UBE2E2: variants seen among roughly 807,000 people sequenced by gnomAD.
UBE2E2 encodes ubiquitin conjugating enzyme E2 E2.
Under a neutral mutation model 24.7 loss-of-function variants are expected in UBE2E2, and 6 were observed. The ratio of observed to expected loss-of-function variants is 0.24; its 90% CI spans 0.13 to 0.48. The LOEUF (loss-of-function observed/expected upper bound fraction) is 0.48. UBE2E2 is among the 20% of genes least tolerant of loss of function. UBE2E2 has a pLI of 0.99. For missense variants in UBE2E2, 169 were observed against 245.0 expected (o/e 0.69, Z 2.07); for synonymous variants, 104 against 83.6 (o/e 1.24, Z -1.33).
chr3:23,382,291 C>G (rs904602262), intron 3 of UBE2E2, among the ~76,000 whole-genome samples: 2 of 146,208 alleles, frequency 1.4e-5, no homozygotes, highest in South Asian at 4.2e-4. Context: ...AAGCGATTCT[C>G]CTGCCTCAGC....
intron 3 of UBE2E2, among the ~76,000 whole-genome samples, chr3:23,464,025 G>A (rs933721125): frequency 1.3e-5 from 2 of 152,076 alleles, no homozygotes; most frequent in Non-Finnish European, 2.9e-5. Flanking sequence ...TGTTGTGGCT[G>A]TTTTCCACTT....
chr3:23,218,408 A>G (rs930447046), intron 3 of UBE2E2, among the ~76,000 whole-genome samples: 3 of 152,120 alleles, frequency 2.0e-5, no homozygotes, highest in African/African-American at 4.8e-5. Flanking sequence ...ACTGTATTAC[A>G]TCAAAGCCGT....
At position 23,339,588 on chromosome 3, in the gene UBE2E2, A is replaced by G. The variant is rs190665060; in HGVS notation, c.227+122276A>G. On this transcript the variant is annotated intron_variant, in intron 3 of 5. Transcript: ENST00000396703. ...ACAAAAACTTAGAGACCCTAGTTAA[A>G]TGTTTTCTTTAATTTAATGAAGGGA... Among the ~76,000 whole-genome samples the G allele has an allele frequency of 2.4e-4, 36 of 152,190 alleles. No homozygotes were observed. The East Asian group carries it at 6.6e-3, about 28-fold the overall frequency.
At chr3:23,534,227 A>G (rs1221023816) in intron 5 of UBE2E2, 22 of 979,372 alleles carry the variant, frequency 2.2e-5, no homozygotes, top group Non-Finnish European at 2.5e-5. Context: ...AAGCCTGTAT[A>G]TGACAGCCTG....
At chr3:23,332,953 C>T (rs372673874) in intron 3 of UBE2E2, among the ~76,000 whole-genome samples, 10 of 152,102 alleles carry the variant, frequency 6.6e-5, no homozygotes, top group Non-Finnish European at 4.4e-5. Flanking sequence ...TACAGCTATA[C>T]GTTTCGTTTT....
intron 3 of UBE2E2, among the ~76,000 whole-genome samples, chr3:23,318,769 G>A (rs537973392): frequency 6.6e-6 from 1 of 152,146 alleles, no homozygotes; most frequent in South Asian, 2.1e-4. Flanking sequence ...ACAACATATG[G>A]GAATTATGGG....
chr3:23,443,247 A>T (rs1698345888), intron 3 of UBE2E2, among the ~76,000 whole-genome samples: 1 of 152,204 alleles, frequency 6.6e-6, no homozygotes, highest in South Asian at 2.1e-4. Context: ...AAGGCACCAC[A>T]GACTATTAGA....
At chr3:23,278,226 G>A (rs1184295871) in intron 3 of UBE2E2, among the ~76,000 whole-genome samples, 1 of 152,068 alleles carries the variant, frequency 6.6e-6, no homozygotes, top group East Asian at 1.9e-4. Flanking sequence ...AGTTATGTAT[G>A]TATGAAAAAC....
intron 3 of UBE2E2, among the ~76,000 whole-genome samples, chr3:23,363,520 G>A (rs940448020): frequency 2.6e-5 from 4 of 152,138 alleles, no homozygotes; most frequent in African/African-American, 7.2e-5. Flanking sequence ...CAAAATAGAC[G>A]TTAAACCACC....
intron 3 of UBE2E2, among the ~76,000 whole-genome samples, chr3:23,400,999 A>G (rs1697209134): frequency 6.6e-6 from 1 of 152,254 alleles, no homozygotes; most frequent in Non-Finnish European, 1.5e-5. Flanking sequence ...GTAGATAATT[A>G]AAATGGAATT....
At chr3:23,347,927 T>C (rs1695610974) in intron 3 of UBE2E2, among the ~76,000 whole-genome samples, 1 of 152,114 alleles carries the variant, frequency 6.6e-6, no homozygotes, top group Non-Finnish European at 1.5e-5. Flanking sequence ...TTCTTATTAA[T>C]AAGTTTGTGG....
intron 3 of UBE2E2, among the ~76,000 whole-genome samples, chr3:23,375,277 A>G (rs2125344206): frequency 6.6e-6 from 1 of 152,302 alleles, no homozygotes; most frequent in South Asian, 2.1e-4. Flanking sequence ...AACTCTGGAA[A>G]ATTGATTTGT....
chr3:23,545,221 G>A (rs916923369), intron 5 of UBE2E2, among the ~76,000 whole-genome samples: 9 of 152,124 alleles, frequency 5.9e-5, no homozygotes, highest in Non-Finnish European at 1.3e-4. Context: ...TACGGGTGTC[G>A]GGCTGGGGGA....
intron 3 of UBE2E2, among the ~76,000 whole-genome samples, chr3:23,334,042 T>G (rs1192124944): frequency 1.3e-5 from 2 of 152,204 alleles, no homozygotes; most frequent in African/African-American, 4.8e-5. Context: ...TTTGATTCTT[T>G]GTATTATTTA....
chr3:23,327,555 C>T (rs2089398114), intron 3 of UBE2E2, among the ~76,000 whole-genome samples: 1 of 152,122 alleles, frequency 6.6e-6, no homozygotes, highest in African/African-American at 2.4e-5. Flanking sequence ...TTGTATCAAC[C>T]AATACAGAAA....
chr3:23,251,068 A>G (rs1697561410), intron 3 of UBE2E2, among the ~76,000 whole-genome samples: 1 of 152,192 alleles, frequency 6.6e-6, no homozygotes, highest in Non-Finnish European at 1.5e-5. Context: ...TATGTTGCCC[A>G]CGCTGGTCTC....
intron 3 of UBE2E2, among the ~76,000 whole-genome samples, chr3:23,274,593 C>G (rs1395407547): frequency 1.3e-5 from 2 of 151,940 alleles, no homozygotes; most frequent in Non-Finnish European, 2.9e-5. Context: ...AACTCCTGGG[C>G]TAAAGTGATC....
chr3:23,387,849 T>G (rs374287496), intron 3 of UBE2E2, among the ~76,000 whole-genome samples: 8 of 152,214 alleles, frequency 5.3e-5, no homozygotes, highest in South Asian at 2.1e-4. Flanking sequence ...GTCAAATTGC[T>G]TAACAGAATT....
chr3:23,353,876 G>A (rs1395340770), intron 3 of UBE2E2, among the ~76,000 whole-genome samples: 1 of 152,030 alleles, frequency 6.6e-6, no homozygotes, highest in Non-Finnish European at 1.5e-5. Context: ...CACAGAATTG[G>A]AAAACACTAC....
Sources: allele counts gnomAD v4.1 joint callset (sites outside exome capture counted in the v4.1 genomes callset), GRCh38; gene constraint gnomAD v4.1.1; transcripts MANE v1.5; gene names NCBI Gene and HGNC (gene_info 2026-07-23, HGNC 2026-07-21).